The following NAV2 variants were observed in gnomAD, a reference collection of about 807,000 sequenced individuals.
NAV2 encodes the protein neuron navigator 2, also known as helicase, APC down-regulated 1.
In NAV2, 54 loss-of-function variants were observed where a neutral mutation model predicts 223.2. The observed-to-expected ratio is 0.24, with a 90% CI of 0.19 to 0.30. The LOEUF is 0.30. NAV2 is among the 10% of genes least tolerant of loss of function. The pLI, the probability that NAV2 is intolerant of heterozygous loss-of-function variation, is 1.00. For synonymous variants in NAV2, 1,279 were observed against 1,239.3 expected (o/e 1.03, Z -0.67); for missense variants, 2,806 against 3,147.5 (o/e 0.89, Z 2.60).
intron 1 of NAV2, among the ~76,000 whole-genome samples, chr11:19,727,888 A>G (rs2051380337): frequency 6.6e-6 from 1 of 152,204 alleles, no homozygotes; most frequent in African/African-American, 2.4e-5. Flanking sequence ...TGCACGAGGA[A>G]GGAAGGTAGT....
chr11:19,370,638 T>A (rs1281273195), intron 1 of NAV2, among the ~76,000 whole-genome samples: 1 of 152,236 alleles, frequency 6.6e-6, no homozygotes, highest in Non-Finnish European at 1.5e-5. Context: ...CTGTGATACT[T>A]TGTGTCCTAA....
chr11:19,823,400 G>T (rs2059481762), intron 1 of NAV2, among the ~76,000 whole-genome samples: 2 of 152,144 alleles, frequency 1.3e-5, no homozygotes, highest in Admixed American at 6.5e-5. Context: ...TAGAGAAGGG[G>T]TTTCACCATG....
At chr11:19,374,418 G>A (rs2133880438) in intron 1 of NAV2, among the ~76,000 whole-genome samples, 1 of 151,184 alleles carries the variant, frequency 6.6e-6, no homozygotes, top group Admixed American at 6.6e-5. Flanking sequence ...GTTGCAGGGT[G>A]AGCTATCAGT....
chr11:19,860,953 G>A (rs961911218), intron 3 of NAV2, among the ~76,000 whole-genome samples: 3 of 151,240 alleles, frequency 2.0e-5, no homozygotes, highest in Non-Finnish European at 4.4e-5. Context: ...ATCAGGCAGG[G>A]AGGTTGCAGT....
chr11:19,982,650 C>A (rs1012399612), intron 10 of NAV2, among the ~76,000 whole-genome samples: 9 of 152,244 alleles, frequency 5.9e-5, no homozygotes, highest in African/African-American at 1.7e-4. Flanking sequence ...GAGCAGGGAA[C>A]ATTGGAGGTG....
chr11:20,027,373 T>A (rs1185943204), intron 11 of NAV2: 18 of 985,124 alleles, frequency 1.8e-5, no homozygotes, highest in Non-Finnish European at 2.2e-5. Context: ...TCTGGACTTT[T>A]TTGCAACTGA....
At chr11:20,055,639 G>T in intron 18 of NAV2, 130 bp from the exon 19 acceptor site, 1 of 811,672 alleles carries the variant, frequency 1.2e-6, no homozygotes. Flanking sequence ...CTACCTTTTA[G>T]AAAACAGATG....
chr11:19,620,321 A>G (rs2046950099), intron 1 of NAV2, among the ~76,000 whole-genome samples: 3 of 152,100 alleles, frequency 2.0e-5, no homozygotes, highest in Non-Finnish European at 4.4e-5. Flanking sequence ...CTTGATGGGG[A>G]TGGCATTGAA....
At chr11:19,529,650 C>T (rs567845780) in intron 1 of NAV2, among the ~76,000 whole-genome samples, 82 of 152,338 alleles carry the variant, frequency 5.4e-4, no homozygotes, top group Admixed American at 9.8e-4. Flanking sequence ...CTAGGGACCA[C>T]TGGAGCACCA....
chr11:19,372,423 TG>T (rs1384400377), intron 1 of NAV2, among the ~76,000 whole-genome samples: 2 of 152,206 alleles, frequency 1.3e-5, no homozygotes, highest in African/African-American at 4.8e-5. Flanking sequence ...GCATTTGTTG[TG>T]AATAGATGAC....
chr11:19,745,977 G>A (rs1937351081), intron 1 of NAV2, among the ~76,000 whole-genome samples: 2 of 152,166 alleles, frequency 1.3e-5, no homozygotes, highest in Admixed American at 6.5e-5. Flanking sequence ...ACTAACAACT[G>A]CAGAATCCTG....
At chr11:19,537,664 T>G (rs1414813421) in intron 1 of NAV2, among the ~76,000 whole-genome samples, 1 of 152,228 alleles carries the variant, frequency 6.6e-6, no homozygotes, top group Non-Finnish European at 1.5e-5. Flanking sequence ...ATTCTAGATA[T>G]GGTCGCCTTT....
intron 5 of NAV2, among the ~76,000 whole-genome samples, chr11:19,886,587 G>GGGGAGGGATGAGCT (rs1454260605): frequency 2.6e-5 from 4 of 152,226 alleles, no homozygotes; most frequent in African/African-American, 9.6e-5. Flanking sequence ...GGAAAGGAAA[G>GGGGAGGGATGAGCT]GGGAGGGATG....
chr11:19,479,896 G>A (rs929175935), intron 1 of NAV2, among the ~76,000 whole-genome samples: 3 of 152,152 alleles, frequency 2.0e-5, no homozygotes, highest in East Asian at 1.9e-4. Flanking sequence ...AAAGAAGGCC[G>A]AGGCTAGAGG....
chr11:19,980,315 G>C (rs954687064), intron 10 of NAV2, among the ~76,000 whole-genome samples: 2 of 152,196 alleles, frequency 1.3e-5, no homozygotes, highest in African/African-American at 4.8e-5. Context: ...CAGTAGCTTA[G>C]CAACTGAGGC....
intron 1 of NAV2, among the ~76,000 whole-genome samples, chr11:19,604,074 G>C (rs994504822): frequency 6.6e-6 from 1 of 152,080 alleles, no homozygotes; most frequent in Non-Finnish European, 1.5e-5. Context: ...CAGAGAGGCA[G>C]TGGGCTGTAT....
At chr11:20,034,263 T>C (rs2056106092) in intron 11 of NAV2, among the ~76,000 whole-genome samples, 1 of 151,726 alleles carries the variant, frequency 6.6e-6, no homozygotes, top group Non-Finnish European at 1.5e-5. Flanking sequence ...TTTTCCCCTA[T>C]AGGTCAATTA....
intron 1 of NAV2, among the ~76,000 whole-genome samples, chr11:19,664,070 C>CACA (rs1433354425): frequency 6.6e-6 from 1 of 152,234 alleles, no homozygotes; most frequent in East Asian, 1.9e-4. Context: ...GGAAGCCTTT[C>CACA]TTCCCTCTCA....
chr11:20,035,718 A>G (rs186847755), intron 11 of NAV2, among the ~76,000 whole-genome samples: 62 of 152,244 alleles, frequency 4.1e-4, no homozygotes, highest in Non-Finnish European at 7.4e-4. Flanking sequence ...GTCTGTAGCC[A>G]CCCCTGCTAT....
Sources: allele counts gnomAD v4.1 joint callset (sites outside exome capture counted in the v4.1 genomes callset), GRCh38; gene constraint gnomAD v4.1.1; transcripts MANE v1.5; gene names NCBI Gene and HGNC (gene_info 2026-07-23, HGNC 2026-07-21).